Variants in TENM2 observed in about 807,000 individuals in gnomAD.
TENM2 encodes teneurin transmembrane protein 2, also known as teneurin-2.
In TENM2, 52 loss-of-function variants were observed where a neutral mutation model predicts 245.2. That is an observed-to-expected ratio of 0.21 (90% CI 0.17 to 0.27). TENM2 has a LOEUF of 0.27. TENM2 is among the 10% of genes least tolerant of loss of function. The probability of loss-of-function intolerance (pLI) is 1.00; values close to 1 mark genes in which losing one functional copy is unlikely to be tolerated. For missense variants in TENM2, 3,046 were observed against 3,666.8 expected (o/e 0.83, Z 4.37); for synonymous variants, 1,363 against 1,438.9 (o/e 0.95, Z 1.19).
chr5:168,122,000 A>G (rs11747283), intron 10 of TENM2, among the ~76,000 whole-genome samples: 46,070 of 152,092 alleles, frequency 0.3, 7,440 homozygotes, highest in East Asian at 0.63. Context: ...TGTTAGCACA[A>G]TTTCTGCTTC....
At chr5:167,390,501 A>G in intron 2 of TENM2, among the ~76,000 whole-genome samples, 1 of 152,178 alleles carries the variant, frequency 6.6e-6, no homozygotes, top group East Asian at 1.9e-4. Flanking sequence ...CAATGAGGTT[A>G]GTAATCATAA....
intron 25 of TENM2, chr5:168,230,763 C>T (rs1035519850): frequency 6.6e-6 from 1 of 152,152 alleles, no homozygotes; most frequent in Non-Finnish European, 1.5e-5. Context: ...AACAAGGAGA[C>T]TCTAGAGAGA....
At chr5:167,765,289 T>A (rs1762937602) in intron 2 of TENM2, among the ~76,000 whole-genome samples, 2 of 152,142 alleles carry the variant, frequency 1.3e-5, no homozygotes, top group South Asian at 4.1e-4. Context: ...AATGCAGGGA[T>A]GTGTTTCTTT....
intron 12 of TENM2, among the ~76,000 whole-genome samples, chr5:168,145,755 G>A (rs920913890): frequency 4.7e-5 from 7 of 149,678 alleles, no homozygotes; most frequent in South Asian, 2.1e-4. Context: ...CATTGAATCT[G>A]TAAATTACCT....
At chr5:168,010,006 T>G (rs1286138312) in intron 5 of TENM2, among the ~76,000 whole-genome samples, 1 of 152,212 alleles carries the variant, frequency 6.6e-6, no homozygotes, top group Non-Finnish European at 1.5e-5. Flanking sequence ...ACCGTGATAC[T>G]GTGATGAATC....
intron 2 of TENM2, among the ~76,000 whole-genome samples, chr5:167,815,148 C>A (rs989189423): frequency 1.3e-5 from 2 of 152,134 alleles, no homozygotes; most frequent in Non-Finnish European, 2.9e-5. Flanking sequence ...GTTCATGCTG[C>A]CTCAATCTGA....
the TENM2 span, among the ~76,000 whole-genome samples, chr5:167,157,682 G>A: frequency 6.6e-6 from 1 of 152,052 alleles, no homozygotes; most frequent in African/African-American, 2.4e-5. Flanking sequence ...TCAACTACAT[G>A]GTAGAATTGC....
chr5:167,689,207 G>A (rs1001274076), intron 2 of TENM2, among the ~76,000 whole-genome samples: 1 of 152,206 alleles, frequency 6.6e-6, no homozygotes, highest in Non-Finnish European at 1.5e-5. Context: ...TCTGGCACCA[G>A]TGAAGGGAGA....
intron 2 of TENM2, among the ~76,000 whole-genome samples, chr5:167,870,573 G>GTATA (rs1484411046): frequency 8.2e-6 from 1 of 121,256 alleles, no homozygotes; most frequent in Non-Finnish European, 1.8e-5. Flanking sequence ...ATATATATGT[G>GTATA]TGTGTATATA....
intron 2 of TENM2, among the ~76,000 whole-genome samples, chr5:167,376,850 T>C (rs976996623): frequency 2.6e-5 from 4 of 152,224 alleles, no homozygotes. Context: ...TGGTGTCCTT[T>C]TTCAGCTTCA....
chr5:167,456,067 A>G (rs1292488879), intron 2 of TENM2, among the ~76,000 whole-genome samples: 2 of 152,168 alleles, frequency 1.3e-5, no homozygotes, highest in Admixed American at 1.3e-4. Context: ...TAAATTTTAG[A>G]GACAACGTCT....
the TENM2 span, among the ~76,000 whole-genome samples, chr5:167,144,085 CAT>C: frequency 6.6e-6 from 1 of 151,978 alleles, no homozygotes; most frequent in Non-Finnish European, 1.5e-5. Flanking sequence ...CTGTATTATT[CAT>C]ACTTAAAATA....
chr5:168,183,046 G>T (rs1362017634), intron 13 of TENM2, among the ~76,000 whole-genome samples: 2 of 151,924 alleles, frequency 1.3e-5, no homozygotes, highest in Middle Eastern at 3.4e-3. Context: ...TGGCCAGGCT[G>T]GTCTTGAACT....
chr5:168,177,494 T>G (rs1409178919), intron 13 of TENM2, among the ~76,000 whole-genome samples: 1 of 152,134 alleles, frequency 6.6e-6, no homozygotes, highest in Non-Finnish European at 1.5e-5. Flanking sequence ...TGATCATAAT[T>G]GGCAGTATGA....
At chr5:167,004,662 AAT>A in the TENM2 span, among the ~76,000 whole-genome samples, 1 of 152,240 alleles carries the variant, frequency 6.6e-6, no homozygotes, top group East Asian at 1.9e-4. Context: ...ATATTATTTT[AAT>A]ATGAGTAGGG....
chr5:167,118,432 A>T, the TENM2 span, among the ~76,000 whole-genome samples: 138 of 152,366 alleles, frequency 9.1e-4, no homozygotes, highest in Non-Finnish European at 1.5e-3. Context: ...CTAAAGTGGC[A>T]GAGAACAGAA....
intron 2 of TENM2, among the ~76,000 whole-genome samples, chr5:167,662,792 C>T (rs1027029740): frequency 1.2e-4 from 18 of 152,072 alleles, no homozygotes; most frequent in African/African-American, 1.9e-4. Flanking sequence ...GGTCTATGGA[C>T]GAACACCACC....
chr5:167,583,473 T>TACACACACACACACACACAC lies in TENM2; in HGVS notation c.502+208019_502+208038dup, dbSNP rs10682735. 8.0e-5 allele frequency among the ~76,000 whole-genome samples: 11 copies of TACACACACACACACACACAC among 137,574 alleles called. No homozygotes were observed. The South Asian group carries it at 1.0e-3, about 12-fold the overall frequency. 90.3% of individuals were successfully genotyped at this position (137,574 alleles called of 152,430 possible). ...TGTGAAAAGGCATTATGAGTATATG[T>TACACACACACACACACACAC]ACACACACACACACACACACACACA... On this transcript the variant is annotated intron_variant, in intron 2 of 28. Coordinates refer to ENST00000518659, the Ensembl canonical transcript of TENM2.
chr5:168,211,790 T>C, intron 20 of TENM2, 36 bp downstream of exon 22: 1 of 1,291,354 alleles, frequency 7.7e-7, no homozygotes, highest in Non-Finnish European at 1.1e-6. Flanking sequence ...TAATTTGATA[T>C]GGTTCGTTTG....
Sources: allele counts gnomAD v4.1 joint callset (sites outside exome capture counted in the v4.1 genomes callset), GRCh38; gene constraint gnomAD v4.1.1; transcripts MANE v1.5; gene names NCBI Gene and HGNC (gene_info 2026-07-23, HGNC 2026-07-21).